THSD4: variants seen among roughly 807,000 people sequenced by gnomAD.
THSD4 encodes the protein thrombospondin type-1 domain-containing protein 4.
In THSD4, 69 loss-of-function variants were observed where a neutral mutation model predicts 119.0. The observed-to-expected ratio is 0.58, with a 90% confidence interval of 0.48 to 0.71. The LOEUF is 0.71. THSD4 is among the 30% of genes least tolerant of loss of function. The pLI is 0.00. For missense variants in THSD4, 1,393 were observed against 1,391.1 expected (o/e 1.00, Z -0.02); for synonymous variants, 524 against 540.4 (o/e 0.97, Z 0.42).
At chr15:71,232,824 G>T (rs1191126245) in intron 4 of THSD4, among the ~76,000 whole-genome samples, 1 of 152,166 alleles carries the variant, frequency 6.6e-6, no homozygotes, top group African/African-American at 2.4e-5. Flanking sequence ...TGAGCCAGGT[G>T]GGTCTTTCAA....
intron 8 of THSD4, among the ~76,000 whole-genome samples, chr15:71,678,569 C>G (rs546433523): frequency 6.6e-6 from 1 of 152,358 alleles, no homozygotes; most frequent in South Asian, 2.1e-4. Flanking sequence ...TGCTCTTCTT[C>G]TAAACCTTGA....
intron 8 of THSD4, among the ~76,000 whole-genome samples, chr15:71,678,403 T>G (rs1595856330): frequency 6.6e-6 from 1 of 152,216 alleles, no homozygotes; most frequent in Non-Finnish European, 1.5e-5. Flanking sequence ...CTGCTCTCAC[T>G]GGGAGCCTCT....
intron 7 of THSD4, among the ~76,000 whole-genome samples, chr15:71,489,965 T>A (rs538162091): frequency 3.9e-5 from 6 of 152,252 alleles, no homozygotes; most frequent in Non-Finnish European, 8.8e-5. Context: ...TTTCCATGCT[T>A]ACATATTTTC....
At chr15:71,577,709 ATTTATTTTAT>A (rs371853648) in intron 7 of THSD4, among the ~76,000 whole-genome samples, 1 of 109,554 alleles carries the variant, frequency 9.1e-6, no homozygotes, top group African/African-American at 3.3e-5. Flanking sequence ...ACCTTTATTT[ATTTATTTTAT>A]TTTATTTTAT....
chr15:71,190,237 T>C (rs576704197), intron 3 of THSD4, among the ~76,000 whole-genome samples: 152 of 152,336 alleles, frequency 1.0e-3, no homozygotes, highest in Admixed American at 2.3e-3. Flanking sequence ...AGCTAGACAT[T>C]CTAACCGACA....
intron 13 of THSD4, among the ~76,000 whole-genome samples, chr15:71,747,263 C>T (rs369361755): frequency 9.2e-5 from 14 of 152,228 alleles, no homozygotes; most frequent in African/African-American, 3.4e-4. Flanking sequence ...TATGAGTGAG[C>T]CCAGGGGGAG....
chr15:71,453,312 A>T (rs944830870), intron 7 of THSD4, among the ~76,000 whole-genome samples: 1 of 152,126 alleles, frequency 6.6e-6, no homozygotes, highest in African/African-American at 2.4e-5. Flanking sequence ...AGAATTCAAA[A>T]CTTAAACTCT....
intron 7 of THSD4, among the ~76,000 whole-genome samples, chr15:71,566,865 G>T (rs1156914033): frequency 6.6e-6 from 1 of 151,744 alleles, no homozygotes; most frequent in East Asian, 1.9e-4. Context: ...ACTTAACTGG[G>T]ATTCTTTGAA....
chr15:71,670,564 T>C (rs2051504465), intron 8 of THSD4, among the ~76,000 whole-genome samples: 1 of 151,912 alleles, frequency 6.6e-6, no homozygotes, highest in South Asian at 2.1e-4. Flanking sequence ...TTGTTACATA[T>C]GTATACATGT....
chr15:71,199,575 TGTGTGTGTGTGG>T (rs1447967140), intron 3 of THSD4, among the ~76,000 whole-genome samples: 8 of 126,218 alleles, frequency 6.3e-5, no homozygotes, highest in Non-Finnish European at 9.8e-5. Flanking sequence ...GTGTGTGTAG[TGTGTGTGTGTGG>T]GTGTGTGTGA....
intron 6 of THSD4, among the ~76,000 whole-genome samples, chr15:71,288,052 T>G (rs1216463055): frequency 6.6e-6 from 1 of 152,182 alleles, no homozygotes; most frequent in African/African-American, 2.4e-5. Context: ...TGGGTGATAT[T>G]TTATACTGCA....
At chr15:71,100,116 C>A (rs2040248063) in intron 1 of THSD4, among the ~76,000 whole-genome samples, 2 of 152,166 alleles carry the variant, frequency 1.3e-5, no homozygotes, top group Admixed American at 6.5e-5. Flanking sequence ...GGACAGACTC[C>A]AAAATGGCCT....
intron 8 of THSD4, among the ~76,000 whole-genome samples, chr15:71,702,820 A>T (rs1030443375): frequency 6.6e-6 from 1 of 151,836 alleles, no homozygotes; most frequent in Admixed American, 6.6e-5. Flanking sequence ...CCTTCCCACC[A>T]TTCTCCCTTT....
intron 6 of THSD4, among the ~76,000 whole-genome samples, chr15:71,277,266 CA>C (rs2044603928): frequency 6.6e-6 from 1 of 151,982 alleles, no homozygotes; most frequent in South Asian, 2.1e-4. Flanking sequence ...GCTGGGATTA[CA>C]GGCGCCCGCC....
At chr15:71,746,686 T>G in intron 12 of THSD4, 152 bp from the exon 13 acceptor site, 2 of 863,524 alleles carry the variant, frequency 2.3e-6, no homozygotes, top group South Asian at 1.6e-5. Context: ...TGCGCCACTG[T>G]GCCCAGCCTA....
chr15:71,257,019 G>A (rs1202206851), intron 6 of THSD4, among the ~76,000 whole-genome samples: 3 of 152,156 alleles, frequency 2.0e-5, no homozygotes, highest in Non-Finnish European at 4.4e-5. Context: ...TGGAGAAGAG[G>A]TTCAAACATA....
chr15:71,297,510 A>G (rs908074062), intron 6 of THSD4, among the ~76,000 whole-genome samples: 5 of 151,972 alleles, frequency 3.3e-5, no homozygotes, highest in African/African-American at 1.2e-4. Flanking sequence ...TAATTTTTGT[A>G]TTCTTAGTAG....
intron 8 of THSD4, among the ~76,000 whole-genome samples, chr15:71,682,586 T>TTC (rs1253878036): frequency 2.2e-4 from 33 of 147,856 alleles, no homozygotes; most frequent in African/African-American, 8.1e-4. Context: ...TTTTTTTTTT[T>TTC]TCTCAACATT....
chr15:71,335,510 TGAG>T (rs1015896028), intron 6 of THSD4, among the ~76,000 whole-genome samples: 3 of 152,108 alleles, frequency 2.0e-5, no homozygotes, highest in Non-Finnish European at 4.4e-5. Context: ...GACCCCTTTT[TGAG>T]GAGAATTCTG....
Sources: allele counts gnomAD v4.1 joint callset (sites outside exome capture counted in the v4.1 genomes callset), GRCh38; gene constraint gnomAD v4.1.1; transcripts MANE v1.5; gene names NCBI Gene and HGNC (gene_info 2026-07-23, HGNC 2026-07-21).